ORAI2: variants seen among roughly 807,000 people sequenced by gnomAD.
ORAI2 encodes the protein ORAI calcium release-activated calcium modulator 2.
Under a neutral mutation model 16.2 loss-of-function variants are expected in ORAI2, and 10 were observed. The observed-to-expected ratio is 0.62, with a 90% CI of 0.38 to 1.04. The LOEUF is 1.04. Among genes scored for constraint, ORAI2 ranks in the 50% least tolerant of loss-of-function variants. The probability of loss-of-function intolerance (pLI) is 0.01; values close to 1 mark genes in which losing one functional copy is unlikely to be tolerated. For synonymous variants in ORAI2, 150 were observed against 157.5 expected (o/e 0.95, Z 0.35); for missense variants, 238 against 355.5 (o/e 0.67, Z 2.66).
At chr7:102,444,809 A>T (rs1334075331) in intron 3 of ORAI2, among the ~76,000 whole-genome samples, 2 of 151,348 alleles carry the variant, frequency 1.3e-5, no homozygotes, top group Admixed American at 1.3e-4. Context: ...GGGATTACAG[A>T]TGCCCACCAC....
rs894333034 is a variant in ORAI2, at chr7:102,451,838, C to T, written c.*4786C>T. On this transcript the variant is annotated 3_prime_UTR_variant, in exon 4 of 4. Transcript: ENST00000495936. The stretch of plus-strand genomic sequence containing the variant: ...GAGGCAGGGTACTCATGTCCAGACA[C>T]GCCGCCATGGGGCTCCGCCCCGAGA... The T allele has an allele frequency of 1.2e-4, 19 of 152,290 alleles. No homozygotes were observed. Among genetic ancestry groups the T allele is most frequent in the African/African-American group, 2.2e-4 (9 of 41,480 alleles). The allele number at this position is 152,290 out of a possible 1,614,324, so 9.4% of individuals were successfully genotyped here.
At chr7:102,441,405 C>T (rs1021207491) in intron 3 of ORAI2, among the ~76,000 whole-genome samples, 14 of 151,056 alleles carry the variant, frequency 9.3e-5, no homozygotes, top group South Asian at 2.1e-4. Context: ...CTGGACGTGG[C>T]GGCAGATGCC....
In ORAI2 at chr7:102,447,672, G is replaced by C. The variant is rs944496629; in HGVS notation, c.*620G>C. 6.5e-6 allele frequency: 1 copy of C among 153,118 alleles called. No homozygotes were observed. Among genetic ancestry groups the C allele is most frequent in the Non-Finnish European group, 1.5e-5 (1 of 68,832 alleles). The allele number at this position is 153,118 out of a possible 1,614,324, so 9.5% of individuals were successfully genotyped here. The stretch of plus-strand genomic sequence containing the variant: ...AGGTGTGGGGGGTGCTGCAGCCCTC[G>C]GCAGTGGGGTCAGGCCCTGGGGGAT... On this transcript the variant is annotated 3_prime_UTR_variant, in exon 4 of 4. Transcript: ENST00000495936.
chr7:102,452,038 C>T lies in ORAI2; in HGVS notation c.*4986C>T, dbSNP rs1418199572. 6.6e-6 allele frequency: 1 copy of T among 152,318 alleles called. No individual in the cohort carries two copies. The highest frequency in any genetic ancestry group is 1.5e-5 in the Non-Finnish European group (1 of 68,116). 9.4% of individuals were successfully genotyped at this position (152,318 alleles called of 1,614,324 possible). A position where few individuals can be genotyped will look rare whatever the true frequency, so the allele number is the denominator to read the frequency against. ...AGAGGAGCTACCAGAGCACTGGTCA[C>T]CTCAGGACATTCTCCAGCCCCAAGT... On this transcript the variant is annotated 3_prime_UTR_variant, in exon 4 of 4. Coordinates refer to ENST00000495936, the MANE Select transcript of ORAI2 (RefSeq NM_001126340.3).
intron 3 of ORAI2, among the ~76,000 whole-genome samples, chr7:102,444,693 T>G (rs1168345283): frequency 8.3e-6 from 1 of 120,518 alleles, no homozygotes; most frequent in African/African-American, 2.9e-5. Context: ...TGAGACAAAG[T>G]CCTGCTCTGT....
Position 102,447,071 on chromosome 7 carries a change from T to C in ORAI2, c.*19T>C. On this transcript the variant is annotated 3_prime_UTR_variant, in exon 4 of 4. Transcript: ENST00000495936. Reference sequence around the variant, plus strand: ...CTTGTGAGGGGCCGAGGGCCGGGGCTGGGAGCGGCCCTGTGCCCGGGAGTC... The same window carrying C: ...CTTGTGAGGGGCCGAGGGCCGGGGCCGGGAGCGGCCCTGTGCCCGGGAGTC... The C allele has an allele frequency of 6.6e-7, 1 of 1,512,666 alleles. No individual in the cohort carries two copies. The highest frequency in any genetic ancestry group is 1.2e-5 in the South Asian group (1 of 80,420). 93.7% of individuals were successfully genotyped at this position (1,512,666 alleles called of 1,614,324 possible). A position where few individuals can be genotyped will look rare whatever the true frequency, so the allele number is the denominator to read the frequency against.
intron 3 of ORAI2, among the ~76,000 whole-genome samples, chr7:102,441,050 G>A (rs553644248): frequency 1.3e-5 from 2 of 151,698 alleles, no homozygotes; most frequent in Admixed American, 6.6e-5. Flanking sequence ...ACATCACCAC[G>A]CCCAGCTAAT....
Position 102,446,846 on chromosome 7 carries a change from G to A in ORAI2, c.559G>A (p.Gly187Ser). The change falls in exon 4 of 4, where the codon GGC (glycine) becomes AGC (serine). Residue 187 changes from glycine (G) to serine (S), a missense_variant. Transcript: ENST00000495936. ...DARRQPGPPP[G>S]PGSHTGWQAA... The stretch of plus-strand genomic sequence containing the variant: ...CCGGCGCCAGCCTGGCCCCCCACCT[G>A]GCCCTGGGAGTCACACGGGCTGGCA... 3 of 1,613,746 alleles carry A rather than the reference G, an allele frequency of 1.9e-6. No individual in the cohort carries two copies. Among genetic ancestry groups the A allele is most frequent in the Non-Finnish European group, 2.5e-6 (3 of 1,179,990 alleles).
At position 102,455,746 on chromosome 7, in the gene ORAI2, C is replaced by T. The variant is rs955318701; in HGVS notation, c.*8694C>T. 5 of 150,558 alleles carry T rather than the reference C, an allele frequency of 3.3e-5. No homozygotes were observed. The Admixed American group carries it at 3.3e-4, about 10-fold the overall frequency. The allele number at this position is 150,558 out of a possible 1,614,324, so 9.3% of individuals were successfully genotyped here. Reference sequence around the variant, plus strand: ...CGTGATACTGGGAGGAAGCCGGGCTCTGTGCTCTTGCTCCAAGTGAGTTGA... The same window carrying T: ...CGTGATACTGGGAGGAAGCCGGGCTTTGTGCTCTTGCTCCAAGTGAGTTGA... On this transcript the variant is annotated 3_prime_UTR_variant, in exon 4 of 4. Coordinates refer to ENST00000495936, the MANE Select transcript of ORAI2 (RefSeq NM_001126340.3).
Position 102,442,278 on chromosome 7 carries a change from C to T in ORAI2, c.225+3097C>T, listed in dbSNP as rs190579392. 8.7e-4 allele frequency among the ~76,000 whole-genome samples: 132 copies of T among 152,126 alleles called. 2 individuals carry two copies. The highest frequency in any genetic ancestry group is 1.5e-3 in the Non-Finnish European group (105 of 68,010). On this transcript the variant is annotated intron_variant, in intron 3 of 3. Transcript: ENST00000495936. ...TAAAAATATGAAAAGGAGGGCCGGG[C>T]GCCATGGTTCATGCCTATAATCCCA... is the stretch of plus-strand genomic sequence containing the variant.
chr7:102,439,021 A>G lies in ORAI2; in HGVS notation c.65A>G (p.Lys22Arg). 6.2e-7 allele frequency: 1 copy of G among 1,613,966 alleles called. No homozygotes were observed. The highest frequency in any genetic ancestry group is 1.3e-5 in the African/African-American group (1 of 75,026). ...SAPACPEPGHKGMDYRDWVRR... is the reference protein window; with the variant it reads ...SAPACPEPGHRGMDYRDWVRR... The stretch of plus-strand genomic sequence containing the variant: ...CCTGCCTGCCCTGAGCCCGGCCATA[A>G]GGGCATGGATTACCGGGACTGGGTC... The change falls in exon 3 of 4, where the codon AAG (lysine) becomes AGG (arginine). Residue 22 changes from lysine to arginine, a missense_variant. This residue lies in a region of ORAI2 where 61 missense variants were observed against 72.7 expected (regional missense o/e 0.84). Coordinates refer to ENST00000495936, the MANE Select transcript of ORAI2 (RefSeq NM_001126340.3).
rs181762671 is a variant in ORAI2 at position 102,442,196 on chromosome 7, A to G, written c.225+3015A>G. ...TTTGGGAGGCTGAGGTGGGCGGATC[A>G]CTTGAGGTCAGGAGTTCCAGATCAG... On this transcript the variant is annotated intron_variant, in intron 3 of 3. Coordinates refer to ENST00000495936, the MANE Select transcript of ORAI2 (RefSeq NM_001126340.3). 1.1e-3 allele frequency among the ~76,000 whole-genome samples: 162 copies of G among 152,204 alleles called. 1 individual carries two copies. In the South Asian group the frequency reaches 0.012, roughly 11 times the overall value.
rs776485301 is a variant in ORAI2 at position 102,446,558 on chromosome 7, C to T, written c.271C>T (p.Arg91Trp). The T allele has an allele frequency of 9.3e-6, 15 of 1,612,378 alleles. No homozygotes were observed. The highest frequency in any genetic ancestry group is 1.6e-4 in the Middle Eastern group (1 of 6,082). Reference protein sequence around the residue: ...VQLETQYQYPRPLLIAFSACT... With the variant: ...VQLETQYQYPWPLLIAFSACT... ...GCTGGAGACGCAGTACCAGTACCCGCGGCCGCTGCTGATTGCCTTCAGCGC... is the reference window on the plus strand; with the variant it reads ...GCTGGAGACGCAGTACCAGTACCCGTGGCCGCTGCTGATTGCCTTCAGCGC... Residue 91 changes from arginine to tryptophan, a missense_variant, in exon 4 of 4, where the codon CGG becomes TGG. Around this residue, in one of 3 missense-constraint regions of ORAI2, gnomAD observed 176 missense variants for 265.9 expected, o/e 0.66. Transcript: ENST00000495936.
intron 3 of ORAI2, among the ~76,000 whole-genome samples, chr7:102,445,852 T>C (rs1252394446): frequency 6.6e-6 from 1 of 152,052 alleles, no homozygotes; most frequent in Non-Finnish European, 1.5e-5. Context: ...CTTTTCTTTC[T>C]TTTCCTTCTT....
chr7:102,453,487 C>CTAGGA lies in ORAI2; in HGVS notation c.*6435_*6436insTAGGA, dbSNP rs1797577255. On this transcript the variant is annotated 3_prime_UTR_variant, in exon 4 of 4. Transcript: ENST00000495936. Reference sequence around the variant, plus strand: ...GTGTGCCAAGCAACTGGCACCACTCCATGGAAAGCGTCTAGGGCAGTGCCT... The same window carrying CTAGGA: ...GTGTGCCAAGCAACTGGCACCACTCCTAGGAATGGAAAGCGTCTAGGGCAGTGCCT... 1 of 152,262 alleles carries CTAGGA rather than the reference C, an allele frequency of 6.6e-6. No homozygotes were observed. Among genetic ancestry groups the CTAGGA allele is most frequent in the African/African-American group, 2.4e-5 (1 of 41,468 alleles). The allele number at this position is 152,262 out of a possible 1,614,324, so 9.4% of individuals were successfully genotyped here. A position where few individuals can be genotyped will look rare whatever the true frequency, so the allele number is the denominator to read the frequency against.
Position 102,443,133 on chromosome 7 carries a change from T to TC in ORAI2, c.226-3380_226-3379insC, listed in dbSNP as rs776376067. Among the ~76,000 whole-genome samples, 448 of 72,330 alleles carry TC rather than the reference T, an allele frequency of 6.2e-3. 1 individual carries two copies. Among genetic ancestry groups the TC allele is most frequent in the African/African-American group, 0.025 (410 of 16,570 alleles). The allele number at this position is 72,330 out of a possible 152,430, so 47.5% of individuals were successfully genotyped here. ...TTCTTCTTCTTCTTCTTCTTCTTCT[T>TC]TTTTTTTTTTTTAATAGAGATGGGG... On this transcript the variant is annotated intron_variant, in intron 3 of 3. Transcript: ENST00000495936.
In ORAI2 at chr7:102,448,234, T is replaced by G. The variant is rs978480201; in HGVS notation, c.*1182T>G. 2 of 152,388 alleles carry G rather than the reference T, an allele frequency of 1.3e-5. No individual in the cohort carries two copies. Among genetic ancestry groups the G allele is most frequent in the African/African-American group, 4.8e-5 (2 of 41,474 alleles). The allele number at this position is 152,388 out of a possible 1,614,324, so 9.4% of individuals were successfully genotyped here. On this transcript the variant is annotated 3_prime_UTR_variant, in exon 4 of 4. Transcript: ENST00000495936. ...CCCACCACACACAGTGACTGTGCCG[T>G]GCAGTGCAGGTTCTGGCCTTTTCCT...
Position 102,450,991 on chromosome 7 carries a change from A to T in ORAI2, c.*3939A>T, listed in dbSNP as rs1181902764. Reference sequence around the variant, plus strand: ...AGAGGTGGGCGGATCGCCTGAGATCAGGAGTTCGAGACCAGCCTGGCCCAC... The same window carrying T: ...AGAGGTGGGCGGATCGCCTGAGATCTGGAGTTCGAGACCAGCCTGGCCCAC... On this transcript the variant is annotated 3_prime_UTR_variant, in exon 4 of 4. Transcript: ENST00000495936. 6.6e-6 allele frequency: 1 copy of T among 152,266 alleles called. No individual in the cohort carries two copies. The highest frequency in any genetic ancestry group is 1.9e-4 in the East Asian group (1 of 5,194). 9.4% of individuals were successfully genotyped at this position (152,266 alleles called of 1,614,324 possible).
At chr7:102,436,585 C>T (rs572388293) in intron 2 of ORAI2, among the ~76,000 whole-genome samples, 5 of 152,290 alleles carry the variant, frequency 3.3e-5, no homozygotes, top group African/African-American at 7.2e-5. Flanking sequence ...CCACTCCACC[C>T]GTCCACCCCA....
Sources: allele counts gnomAD v4.1 joint callset (sites outside exome capture counted in the v4.1 genomes callset), GRCh38; gene constraint gnomAD v4.1.1; regional missense constraint gnomAD v4.1.1; transcripts MANE v1.5; gene names NCBI Gene and HGNC (gene_info 2026-07-23, HGNC 2026-07-21).